BCAT1: variants seen among roughly 807,000 people sequenced by gnomAD.
The protein encoded by BCAT1 is branched chain amino acid transaminase 1, also known as branched-chain-amino-acid aminotransferase, cytosolic.
Under a neutral mutation model 52.4 loss-of-function variants are expected in BCAT1, and 48 were observed. That is an observed-to-expected ratio of 0.92 (90% confidence interval 0.73 to 1.16). The LOEUF is 1.16. BCAT1 is among the 50% of genes most tolerant of loss of function. The pLI is 0.00. For missense variants in BCAT1, 451 were observed against 457.1 expected, an observed-to-expected ratio of 0.99 and a Z score of 0.12; for synonymous variants, 167 against 161.3, an observed-to-expected ratio of 1.04 and a Z score of -0.27.
chr12:24,844,912 A>C lies in BCAT1; in HGVS notation c.675-2688T>G, dbSNP rs1170535892. Among the ~76,000 whole-genome samples, 5 of 134,138 alleles carry C rather than the reference A, an allele frequency of 3.7e-5. No homozygotes were observed. In the East Asian group the frequency reaches 1.1e-3, roughly 30 times the overall value. The allele number at this position is 134,138 out of a possible 152,430, so 88.0% of individuals were successfully genotyped here. On this transcript the variant is annotated intron_variant, in intron 6 of 10. Coordinates refer to ENST00000261192, the MANE Select transcript of BCAT1 (RefSeq NM_005504.7). ...ACTGTCTCAAAAAAAAAAAAAAAAA[A>C]AAAAAGAGTCCTTAAAAGGGCCAGG... is the stretch of plus-strand genomic sequence containing the variant.
intron 5 of BCAT1, among the ~76,000 whole-genome samples, chr12:24,854,988 C>A (rs1395135829): frequency 1.3e-5 from 2 of 152,186 alleles, no homozygotes; most frequent in Admixed American, 1.3e-4. Context: ...GTGCCCCCCG[C>A]CCCTGAGCAT....
At chr12:24,821,570 G>A (rs551604910) in intron 10 of BCAT1, among the ~76,000 whole-genome samples, 12 of 152,138 alleles carry the variant, frequency 7.9e-5, no homozygotes, top group Non-Finnish European at 1.8e-4. Flanking sequence ...ATCTCTTCTC[G>A]GAATGTGTTA....
At chr12:24,835,555 ATTT>A (rs1940880950) in intron 8 of BCAT1, among the ~76,000 whole-genome samples, 3 of 65,552 alleles carry the variant, frequency 4.6e-5, no homozygotes, top group Non-Finnish European at 1.0e-4. Flanking sequence ...ATTTTATTTT[ATTT>A]ATTTATTTAT....
intron 7 of BCAT1, among the ~76,000 whole-genome samples, chr12:24,838,830 T>C (rs765449012): frequency 4.6e-5 from 7 of 152,172 alleles, no homozygotes; most frequent in Non-Finnish European, 1.0e-4. Flanking sequence ...AAACAGAACC[T>C]ACAAATGCAG....
chr12:24,869,437 C>A (rs80227931), intron 5 of BCAT1, among the ~76,000 whole-genome samples: 1 of 152,262 alleles, frequency 6.6e-6, no homozygotes, highest in African/African-American at 2.4e-5. Flanking sequence ...CCCTGTTTCC[C>A]TTTTTTCCCA....
chr12:24,893,214 T>C (rs1005170423), intron 3 of BCAT1, among the ~76,000 whole-genome samples: 1 of 152,224 alleles, frequency 6.6e-6, no homozygotes, highest in Non-Finnish European at 1.5e-5. Flanking sequence ...CCTTTTATAA[T>C]GGATGAGACC....
intron 3 of BCAT1, among the ~76,000 whole-genome samples, chr12:24,890,951 A>G (rs1942820594): frequency 6.6e-6 from 1 of 152,130 alleles, no homozygotes; most frequent in Admixed American, 6.5e-5. Context: ...GAATTGGAGG[A>G]CACCCAGCTG....
chr12:24,892,021 T>C (rs2139645513), intron 3 of BCAT1, among the ~76,000 whole-genome samples: 1 of 151,974 alleles, frequency 6.6e-6, no homozygotes, highest in South Asian at 2.1e-4. Context: ...CCTCCCAAAG[T>C]GCTGGTATTA....
At chr12:24,834,904 G>A in intron 8 of BCAT1, 1 of 522,800 alleles carries the variant, frequency 1.9e-6, no homozygotes, top group Non-Finnish European at 2.5e-6. Flanking sequence ...CCCCTATCTG[G>A]CAAATAGTGG....
In BCAT1 at chr12:24,816,693, T is replaced by C. The variant is rs7305794; in HGVS notation, c.*1315A>G. 288,558 of 396,208 alleles carry C rather than the reference T, an allele frequency of 0.73. 105,884 individuals carry two copies. Among genetic ancestry groups the C allele is most frequent in the East Asian group, 0.9 (25,324 of 28,010 alleles). The allele number at this position is 396,208 out of a possible 1,614,324, so 24.5% of individuals were successfully genotyped here. ...ATATCATGACCTCTCTCTAGAGCAG[T>C]GGTCCCCAACATTTTTGGCACCAGG... On this transcript the variant is annotated 3_prime_UTR_variant, in exon 11 of 11. Transcript: ENST00000261192.
At chr12:24,915,740 A>C (rs1291607984) in intron 1 of BCAT1, among the ~76,000 whole-genome samples, 1 of 152,252 alleles carries the variant, frequency 6.6e-6, no homozygotes, top group Non-Finnish European at 1.5e-5. Flanking sequence ...AACGGCTTGC[A>C]ACGCAAAACA....
Position 24,948,968 on chromosome 12 carries a change from G to C in BCAT1, c.-36C>G, listed in dbSNP as rs550342633. 1.3e-5 allele frequency: 20 copies of C among 1,585,820 alleles called. No homozygotes were observed. In the East Asian group the frequency reaches 4.6e-4, roughly 36 times the overall value. On this transcript the variant is annotated 5_prime_UTR_variant, in exon 1 of 11. Transcript: ENST00000261192. ...GCCACGAGGGAAGCTCGAGCTGAGC[G>C]GAGGGCAGATCCCAAGGGTCGTAGC...
intron 3 of BCAT1, among the ~76,000 whole-genome samples, chr12:24,884,376 G>A (rs970676605): frequency 3.9e-5 from 6 of 152,162 alleles, no homozygotes; most frequent in African/African-American, 7.2e-5. Context: ...TGGTCAAAGG[G>A]AACAAAATTT....
intron 1 of BCAT1, among the ~76,000 whole-genome samples, chr12:24,943,759 C>T (rs947530383): frequency 8.5e-5 from 13 of 152,158 alleles, no homozygotes; most frequent in South Asian, 4.2e-4. Flanking sequence ...CCGAGGCGGG[C>T]AGATCACGAG....
At chr12:24,863,239 ACTACTC>A (rs1426575913) in intron 5 of BCAT1, among the ~76,000 whole-genome samples, 1 of 152,242 alleles carries the variant, frequency 6.6e-6, no homozygotes, top group Non-Finnish European at 1.5e-5. Flanking sequence ...AGTGATAATG[ACTACTC>A]ACAGGGTTAA....
intron 5 of BCAT1, among the ~76,000 whole-genome samples, chr12:24,857,103 C>T (rs909301103): frequency 1.3e-5 from 2 of 152,174 alleles, no homozygotes. Flanking sequence ...TAAGGCTTTG[C>T]TATTTCACAG....
chr12:24,865,274 CAA>C (rs1205268180), intron 5 of BCAT1, among the ~76,000 whole-genome samples: 4 of 152,134 alleles, frequency 2.6e-5, no homozygotes, highest in Non-Finnish European at 4.4e-5. Context: ...AACAAACAAA[CAA>C]AAAAAGACTT....
chr12:24,905,867 T>C (rs1345864730), intron 1 of BCAT1, among the ~76,000 whole-genome samples: 2 of 149,968 alleles, frequency 1.3e-5, no homozygotes, highest in Non-Finnish European at 3.0e-5. Context: ...GAGGAATGGA[T>C]TTTGAAGAAG....
At chr12:24,933,911 G>A (rs927853204) in intron 1 of BCAT1, among the ~76,000 whole-genome samples, 2 of 152,050 alleles carry the variant, frequency 1.3e-5, no homozygotes, top group African/African-American at 4.8e-5. Context: ...TTCACATAGC[G>A]CACTGGGAAG....
Sources: allele counts gnomAD v4.1 joint callset (sites outside exome capture counted in the v4.1 genomes callset), GRCh38; gene constraint gnomAD v4.1.1; transcripts MANE v1.5; gene names NCBI Gene and HGNC (gene_info 2026-07-23, HGNC 2026-07-21).